The following RGS7 variants were observed in gnomAD, a reference collection of about 807,000 sequenced individuals.
RGS7 encodes regulator of G protein signaling 7, also known as regulator of G-protein signaling 7.
RGS7 carries 27 observed loss-of-function variants against 81.1 expected under a neutral mutation model. That is an observed-to-expected ratio of 0.33 (90% CI 0.25 to 0.46). The LOEUF (loss-of-function observed/expected upper bound fraction) is 0.46, where lower values mean the gene tolerates loss of function less well. Ranked by LOEUF, RGS7 falls within the 20% of genes least tolerant of loss-of-function variation. RGS7 has a pLI of 1.00. For missense variants in RGS7, 396 were observed against 607.4 expected (o/e 0.65, Z 3.66); for synonymous variants, 208 against 207.7 (o/e 1.00, Z -0.01).
intron 3 of RGS7, among the ~76,000 whole-genome samples, chr1:241,041,273 C>G (rs777249642): frequency 6.6e-6 from 1 of 152,106 alleles, no homozygotes; most frequent in Non-Finnish European, 1.5e-5. Context: ...AGTTTTACTG[C>G]GGTGATCTTT....
At chr1:240,892,901 C>T (rs976161323) in intron 6 of RGS7, among the ~76,000 whole-genome samples, 3 of 152,050 alleles carry the variant, frequency 2.0e-5, no homozygotes, top group Admixed American at 1.3e-4. Flanking sequence ...TTTCTTTTAA[C>T]TATCAATCTG....
chr1:241,264,687 C>A (rs781381035), intron 2 of RGS7, among the ~76,000 whole-genome samples: 5 of 152,174 alleles, frequency 3.3e-5, no homozygotes, highest in Non-Finnish European at 7.3e-5. Context: ...GCTACATGAT[C>A]TTTTAATGCT....
At chr1:241,156,457 G>T (rs1389529444) in intron 2 of RGS7, among the ~76,000 whole-genome samples, 1 of 151,816 alleles carries the variant, frequency 6.6e-6, no homozygotes, top group Non-Finnish European at 1.5e-5. Context: ...AGTGAGCCAT[G>T]ATTGTGCCAC....
chr1:241,016,991 A>AT (rs920533665), intron 3 of RGS7, among the ~76,000 whole-genome samples: 1 of 151,920 alleles, frequency 6.6e-6, no homozygotes, highest in African/African-American at 2.4e-5. Context: ...ATTTATGCTG[A>AT]TTTTTATAAC....
At chr1:241,142,336 C>T (rs115170748) in intron 2 of RGS7, among the ~76,000 whole-genome samples, 2,219 of 152,296 alleles carry the variant, frequency 0.015, 53 homozygotes, top group African/African-American at 0.051. Flanking sequence ...TCTGAACCTA[C>T]GTTTCCCTTT....
At chr1:240,919,069 T>C (rs143744626) in intron 6 of RGS7, among the ~76,000 whole-genome samples, 3 of 152,264 alleles carry the variant, frequency 2.0e-5, no homozygotes, top group Non-Finnish European at 2.9e-5. Flanking sequence ...CTTATACTTA[T>C]TGAAGAAATT....
chr1:241,230,552 G>A (rs1013805411), intron 2 of RGS7, among the ~76,000 whole-genome samples: 1 of 152,204 alleles, frequency 6.6e-6, no homozygotes, highest in East Asian at 1.9e-4. Context: ...CAGTTGCTGG[G>A]TATGCCATGG....
At chr1:241,030,071 T>A (rs940399029) in intron 3 of RGS7, among the ~76,000 whole-genome samples, 19 of 152,278 alleles carry the variant, frequency 1.2e-4, no homozygotes, top group Middle Eastern at 6.8e-3. Context: ...ACTATTACAC[T>A]GAGAGTAAAG....
At chr1:240,926,269 T>C (rs1337241162) in intron 6 of RGS7, among the ~76,000 whole-genome samples, 1 of 152,176 alleles carries the variant, frequency 6.6e-6, no homozygotes, top group African/African-American at 2.4e-5. Context: ...GGTTTTTATA[T>C]TTTGAGGTCT....
intron 4 of RGS7, among the ~76,000 whole-genome samples, chr1:240,979,816 G>A (rs1188737832): frequency 6.6e-6 from 1 of 152,188 alleles, no homozygotes; most frequent in East Asian, 1.9e-4. Flanking sequence ...AAGGATGGAA[G>A]AGTATGAGTG....
chr1:241,231,845 C>A (rs1259383372), intron 2 of RGS7, among the ~76,000 whole-genome samples: 1 of 152,104 alleles, frequency 6.6e-6, no homozygotes. Flanking sequence ...TTCAGTTTAT[C>A]AATGTTTCTT....
rs988560808 is a variant in RGS7, at chr1:240,826,969, G to A, written c.684+129C>T. ...AGGGTGGGGCTATTCTTGAGGAAGGGAGGGCTGTGGAAGGCTGGGAAGAGT... is the reference window on the plus strand; with the variant it reads ...AGGGTGGGGCTATTCTTGAGGAAGGAAGGGCTGTGGAAGGCTGGGAAGAGT... On this transcript the variant is annotated intron_variant, in intron 10 of 18. Coordinates refer to ENST00000440928, the MANE Select transcript of RGS7 (RefSeq NM_001364886.1). 2.4e-5 allele frequency: 19 copies of A among 787,198 alleles called. No homozygotes were observed. In the Admixed American group the frequency reaches 3.1e-4, roughly 13 times the overall value. The allele number at this position is 787,198 out of a possible 1,614,324, so 48.8% of individuals were successfully genotyped here.
chr1:241,217,530 A>G (rs183225448), intron 2 of RGS7, among the ~76,000 whole-genome samples: 8 of 152,282 alleles, frequency 5.3e-5, no homozygotes, highest in Admixed American at 3.3e-4. Flanking sequence ...TAAAACCCAA[A>G]TGATTTCAAA....
At chr1:241,175,284 T>C (rs1036246803) in intron 2 of RGS7, among the ~76,000 whole-genome samples, 1 of 152,180 alleles carries the variant, frequency 6.6e-6, no homozygotes, top group Non-Finnish European at 1.5e-5. Context: ...TATAACATTC[T>C]CTAGCATTTT....
intron 18 of RGS7, among the ~76,000 whole-genome samples, chr1:240,777,696 T>C (rs868228038): frequency 9.8e-5 from 15 of 152,302 alleles, no homozygotes; most frequent in Middle Eastern, 3.4e-3. Context: ...GAGGGCCTTC[T>C]CCTTGGTTCA....
At chr1:241,234,779 T>C (rs985470481) in intron 2 of RGS7, among the ~76,000 whole-genome samples, 1 of 152,156 alleles carries the variant, frequency 6.6e-6, no homozygotes, top group Non-Finnish European at 1.5e-5. Flanking sequence ...GCATCTTCAG[T>C]ACCTGGTGCT....
At chr1:241,319,561 G>A (rs2081091552) in intron 2 of RGS7, among the ~76,000 whole-genome samples, 1 of 151,906 alleles carries the variant, frequency 6.6e-6, no homozygotes, top group South Asian at 2.1e-4. Flanking sequence ...GTCTTACTTT[G>A]TCACCCAGGC....
chr1:241,169,962 T>C, intron 2 of RGS7, among the ~76,000 whole-genome samples: 1 of 151,974 alleles, frequency 6.6e-6, no homozygotes, highest in East Asian at 1.9e-4. Flanking sequence ...AAGAATATAC[T>C]CAGATCTCGG....
chr1:241,108,095 C>A (rs1324388897), intron 2 of RGS7, among the ~76,000 whole-genome samples: 2 of 99,240 alleles, frequency 2.0e-5, no homozygotes, highest in Non-Finnish European at 3.5e-5. Flanking sequence ...GAGTTTGAGA[C>A]CAACATGGTG....
Sources: allele counts gnomAD v4.1 joint callset (sites outside exome capture counted in the v4.1 genomes callset), GRCh38; gene constraint gnomAD v4.1.1; transcripts MANE v1.5; gene names NCBI Gene and HGNC (gene_info 2026-07-23, HGNC 2026-07-21).